INKA2: variants seen among roughly 807,000 people sequenced by gnomAD.
INKA2 encodes the protein inka box actin regulator 2.
Under a neutral mutation model 9.8 loss-of-function variants are expected in INKA2, and 3 were observed. The observed-to-expected ratio is 0.31, with a 90% confidence interval of 0.14 to 0.79. The LOEUF is 0.79. Among genes scored for constraint, INKA2 ranks in the 30% least tolerant of loss-of-function variants. INKA2 has a pLI of 0.62. For synonymous variants in INKA2, 147 were observed against 143.3 expected, an observed-to-expected ratio of 1.03 and a Z score of -0.18; for missense variants, 392 against 384.4, an observed-to-expected ratio of 1.02 and a Z score of -0.17.
upstream of INKA2, among the ~76,000 whole-genome samples, chr1:111,743,653 C>T (rs1290522682): frequency 1.3e-5 from 2 of 152,234 alleles, no homozygotes; most frequent in Non-Finnish European, 2.9e-5. Flanking sequence ...CTCTGGAAGA[C>T]ATACCCGAGT....
rs1332145888 is a variant in INKA2 at position 111,728,498 on chromosome 1, AC to A, written c.58-695del. 3.9e-5 allele frequency among the ~76,000 whole-genome samples: 6 copies of A among 152,172 alleles called. No individual in the cohort carries two copies. The East Asian group carries it at 1.2e-3, about 29-fold the overall frequency. ...TCCCACTCCAGATGCCATAGTCCTA[AC>A]TACCAAATACAGGTTGAGCATCCCT... On this transcript the variant is annotated intron_variant, in intron 1 of 1. Coordinates refer to ENST00000357260, the MANE Select transcript of INKA2 (RefSeq NM_019099.5).
chr1:111,727,757 G>T lies in INKA2; in HGVS notation c.105C>A (p.Cys35Ter), dbSNP rs766474863. ...TCAGTTCTTGCAGTGCACCCATCAT[G>T]CAGTTCATCTGATCCTGTAAGCCAT... The part of the protein sequence containing the change: ...VGDGLQDQMN[C>*]MMGALQELKL... The change falls in exon 2 of 2, where the codon TGC (cysteine) becomes TGA (stop). Residue 35 changes from cysteine to a stop codon, truncating the protein, a stop_gained. Transcript: ENST00000357260. LOFTEE classifies it low-confidence loss of function (END_TRUNC). 4 of 1,612,210 alleles carry T rather than the reference G, an allele frequency of 2.5e-6. No homozygotes were observed. In the Admixed American group the frequency reaches 6.7e-5, roughly 27 times the overall value.
At chr1:111,728,311 G>A (rs1194890915) in intron 1 of INKA2, among the ~76,000 whole-genome samples, 1 of 152,166 alleles carries the variant, frequency 6.6e-6, no homozygotes, top group African/African-American at 2.4e-5. Flanking sequence ...CTTTGTAACA[G>A]GAATTGTGCT....
In INKA2 at chr1:111,735,126, A is replaced by G. The variant is rs547444536; in HGVS notation, c.57+4060T>C. ...TGACATCATAAATTATATGTCTGGCATATCAATGTTAACATCAATTAATAT... is the reference window on the plus strand; with the variant it reads ...TGACATCATAAATTATATGTCTGGCGTATCAATGTTAACATCAATTAATAT... On this transcript the variant is annotated intron_variant, in intron 1 of 1. Transcript: ENST00000357260. 1.7e-4 allele frequency among the ~76,000 whole-genome samples: 26 copies of G among 152,384 alleles called. No homozygotes were observed. In the South Asian group the frequency reaches 3.7e-3, roughly 22 times the overall value.
chr1:111,744,917 A>G (rs956048158), intron 1 of INKA2, among the ~76,000 whole-genome samples: 5 of 152,146 alleles, frequency 3.3e-5, no homozygotes, highest in Admixed American at 1.3e-4. Context: ...AGATCAGGCT[A>G]TCAGTTACAG....
intron 1 of INKA2, among the ~76,000 whole-genome samples, chr1:111,729,573 G>C (rs997898981): frequency 1.3e-5 from 2 of 152,224 alleles, no homozygotes; most frequent in Non-Finnish European, 2.9e-5. Flanking sequence ...CTGGGCCCAA[G>C]CTGCCTTGGT....
chr1:111,754,212 T>C (rs1447001358), intron 1 of INKA2: 1 of 152,186 alleles, frequency 6.6e-6, no homozygotes, highest in Non-Finnish European at 1.5e-5. Context: ...GTCTGGGGAT[T>C]AGGCAGATAA....
intron 1 of INKA2, 130 bp downstream of exon 1, chr1:111,739,056 C>A: frequency 1.2e-6 from 1 of 832,066 alleles, no homozygotes; most frequent in Non-Finnish European, 2.0e-6. Context: ...TGCGGGCCCG[C>A]GTCCTCTCCT....
chr1:111,748,714 G>A (rs76856027), intron 1 of INKA2, among the ~76,000 whole-genome samples: 1,719 of 152,176 alleles, frequency 0.011, 29 homozygotes, highest in African/African-American at 0.04. Context: ...CATCTGTTCT[G>A]GGCCTGTCAG....
At chr1:111,737,601 G>T (rs1663034194) in intron 1 of INKA2, among the ~76,000 whole-genome samples, 1 of 152,192 alleles carries the variant, frequency 6.6e-6, no homozygotes, top group South Asian at 2.1e-4. Context: ...AAAAAAATGA[G>T]AATTGTGTAC....
In INKA2 at chr1:111,735,430, G is replaced by A. The variant is rs145411261; in HGVS notation, c.57+3756C>T. Among the ~76,000 whole-genome samples the A allele has an allele frequency of 5.9e-5, 9 of 152,280 alleles. No homozygotes were observed. In the East Asian group the frequency reaches 1.5e-3, roughly 26 times the overall value. ...TTGTCATTTAATCTTCACAGTAGCC[G>A]TATAGAGTAGGTATTTTAAAACCCC... On this transcript the variant is annotated intron_variant, in intron 1 of 1. Coordinates refer to ENST00000357260, the MANE Select transcript of INKA2 (RefSeq NM_019099.5).
rs551519798 is a variant in INKA2 at position 111,723,195 on chromosome 1, C to T, written c.*3773G>A. On this transcript the variant is annotated 3_prime_UTR_variant, in exon 2 of 2. Coordinates refer to ENST00000357260, the MANE Select transcript of INKA2 (RefSeq NM_019099.5). ...TGTGCTCTTGCTCTTGTCCAGACCACGTAGGAAACGATGGTGTGACTTGGG... is the reference window on the plus strand; with the variant it reads ...TGTGCTCTTGCTCTTGTCCAGACCATGTAGGAAACGATGGTGTGACTTGGG... The T allele has an allele frequency of 1.1e-4, 69 of 619,694 alleles. No individual in the cohort carries two copies. The highest frequency in any genetic ancestry group is 6.2e-4 in the South Asian group (34 of 55,052). 38.4% of individuals were successfully genotyped at this position (619,694 alleles called of 1,614,324 possible).
In INKA2 at chr1:111,739,343, T is replaced by C. The variant is rs1663088237; in HGVS notation, c.-101A>G. 5 of 1,568,030 alleles carry C rather than the reference T, an allele frequency of 3.2e-6. No homozygotes were observed. In the South Asian group the frequency reaches 3.5e-5, roughly 11 times the overall value. ...GGCCGGCTCCCCGCCCCTGCGCCCG[T>C]AGCGCTCGCAGCGCGGAGCTGAGCC... On this transcript the variant is annotated 5_prime_UTR_variant, in exon 1 of 2. Coordinates refer to ENST00000357260, the MANE Select transcript of INKA2 (RefSeq NM_019099.5).
At chr1:111,748,637 C>T (rs937081364) in intron 1 of INKA2, among the ~76,000 whole-genome samples, 8 of 152,212 alleles carry the variant, frequency 5.3e-5, no homozygotes, top group Non-Finnish European at 1.2e-4. Flanking sequence ...TCTGTCTGAT[C>T]TTCTTACCAA....
rs753996753 is a variant in INKA2 at position 111,727,853 on chromosome 1, A to C, written c.58-49T>G. The C allele has an allele frequency of 4.5e-6, 7 of 1,571,338 alleles. No homozygotes were observed. In the African/African-American group the frequency reaches 9.4e-5, roughly 21 times the overall value. ...GGGCCTATGAGCCACAGTGGGCAGC[A>C]GTGCCTCTCCCAGCCCTGAACTTAG... is the stretch of plus-strand genomic sequence containing the variant. On this transcript the variant is annotated intron_variant, in intron 1 of 1. Coordinates refer to ENST00000357260, the MANE Select transcript of INKA2 (RefSeq NM_019099.5).
chr1:111,744,976 G>T (rs985509547), intron 1 of INKA2, among the ~76,000 whole-genome samples: 1 of 152,132 alleles, frequency 6.6e-6, no homozygotes, highest in Non-Finnish European at 1.5e-5. Flanking sequence ...GATAGAAGAA[G>T]AAATAGCAAT....
At chr1:111,742,307 C>A (rs368713553), upstream of INKA2, among the ~76,000 whole-genome samples, 7 of 152,116 alleles carry the variant, frequency 4.6e-5, no homozygotes, top group East Asian at 7.7e-4. Context: ...CTCTTCTGGG[C>A]TGGGCGCAGT....
In INKA2 at chr1:111,730,102, T is replaced by C. The variant is rs1337417846; in HGVS notation, c.58-2298A>G. Among the ~76,000 whole-genome samples the C allele has an allele frequency of 2.6e-5, 4 of 152,338 alleles. No individual in the cohort carries two copies. In the East Asian group the frequency reaches 7.7e-4, roughly 29 times the overall value. On this transcript the variant is annotated intron_variant, in intron 1 of 1. Transcript: ENST00000357260. ...AAGGAGCCTGTGGGACAGATGCACA[T>C]GTTGTTGACAGCCCCTCTCTCTGGC...
At position 111,723,196 on chromosome 1, in the gene INKA2, G is replaced by T; in HGVS notation, c.*3772C>A. ...GTGCTCTTGCTCTTGTCCAGACCAC[G>T]TAGGAAACGATGGTGTGACTTGGGA... is the stretch of plus-strand genomic sequence containing the variant. On this transcript the variant is annotated 3_prime_UTR_variant, in exon 2 of 2. Coordinates refer to ENST00000357260, the MANE Select transcript of INKA2 (RefSeq NM_019099.5). 1 of 622,152 alleles carries T rather than the reference G, an allele frequency of 1.6e-6. No individual in the cohort carries two copies. Among genetic ancestry groups the T allele is most frequent in the Non-Finnish European group, 2.9e-6 (1 of 346,908 alleles). The allele number at this position is 622,152 out of a possible 1,614,324, so 38.5% of individuals were successfully genotyped here.
Sources: allele counts gnomAD v4.1 joint callset (sites outside exome capture counted in the v4.1 genomes callset), GRCh38; gene constraint gnomAD v4.1.1; transcripts MANE v1.5; gene names NCBI Gene and HGNC (gene_info 2026-07-23, HGNC 2026-07-21).